CHN1: variants seen among roughly 807,000 people sequenced by gnomAD.
The protein encoded by CHN1 is N-chimaerin.
A neutral mutation model predicts 59.5 loss-of-function variants in CHN1; 37 were observed. That is an observed-to-expected ratio of 0.62 (90% CI 0.48 to 0.82). CHN1 has a LOEUF of 0.82. CHN1 is among the 40% of genes least tolerant of loss of function. The pLI is 0.00. For synonymous variants in CHN1, 206 were observed against 200.4 expected, an observed-to-expected ratio of 1.03 and a Z score of -0.24; for missense variants, 469 against 571.0, an observed-to-expected ratio of 0.82 and a Z score of 1.82.
At chr2:174,881,409 C>T (rs1310714331) in intron 5 of CHN1, among the ~76,000 whole-genome samples, 3 of 152,164 alleles carry the variant, frequency 2.0e-5, no homozygotes, top group Non-Finnish European at 2.9e-5. Context: ...GGATCTGCCA[C>T]TTCCTAGCTG....
intron 6 of CHN1, among the ~76,000 whole-genome samples, chr2:174,864,536 T>G (rs956544732): frequency 1.3e-5 from 2 of 152,192 alleles, no homozygotes; most frequent in African/African-American, 4.8e-5. Context: ...ATTTAAAAAT[T>G]TACCTGTATC....
At chr2:174,974,315 C>T (rs1364368301) in intron 1 of CHN1, among the ~76,000 whole-genome samples, 1 of 152,130 alleles carries the variant, frequency 6.6e-6, no homozygotes, top group Non-Finnish European at 1.5e-5. Context: ...TTGAAAATAT[C>T]GTCTGCATGC....
chr2:174,998,535 C>T (rs1001768620), intron 1 of CHN1, among the ~76,000 whole-genome samples: 5 of 151,998 alleles, frequency 3.3e-5, no homozygotes, highest in Non-Finnish European at 5.9e-5. Context: ...CCAAAGGAAT[C>T]GAAAGGTCAG....
chr2:174,837,968 C>G (rs934930004), intron 7 of CHN1, among the ~76,000 whole-genome samples: 2 of 152,128 alleles, frequency 1.3e-5, no homozygotes, highest in Non-Finnish European at 2.9e-5. Context: ...ACTAATGATA[C>G]TAAGTTTACT....
At chr2:174,814,341 C>T (rs1685172002) in intron 8 of CHN1, among the ~76,000 whole-genome samples, 1 of 152,232 alleles carries the variant, frequency 6.6e-6, no homozygotes, top group African/African-American at 2.4e-5. Context: ...TCATTAATGT[C>T]CAAATGACTT....
At chr2:174,844,260 T>C (rs1309699137) in intron 7 of CHN1, among the ~76,000 whole-genome samples, 1 of 151,350 alleles carries the variant, frequency 6.6e-6, no homozygotes, top group Non-Finnish European at 1.5e-5. Context: ...CCTGTTTTAT[T>C]CTACTAAAAA....
At chr2:174,842,088 A>C (rs775597504) in intron 7 of CHN1, among the ~76,000 whole-genome samples, 17 of 152,242 alleles carry the variant, frequency 1.1e-4, no homozygotes, top group Non-Finnish European at 1.9e-4. Context: ...TCCTGCTGTC[A>C]TGAGAAGAGG....
intron 1 of CHN1, among the ~76,000 whole-genome samples, chr2:174,953,788 A>G (rs142258497): frequency 1.7e-3 from 263 of 152,336 alleles, no homozygotes; most frequent in African/African-American, 6.2e-3. Flanking sequence ...GAAAGAAATC[A>G]TAGATGAAAC....
intron 7 of CHN1, among the ~76,000 whole-genome samples, chr2:174,840,954 C>T (rs1686279067): frequency 1.3e-5 from 2 of 151,952 alleles, no homozygotes; most frequent in South Asian, 2.1e-4. Context: ...TTTGTGTCAG[C>T]GAGGCAGTAT....
chr2:174,857,253 C>T lies in CHN1; in HGVS notation c.550-10296G>A, dbSNP rs182473162. The stretch of plus-strand genomic sequence containing the variant: ...CTTGCTGATGGACTAGAATACTCAG[C>T]GTCCATTTCGTGGGTCTCCCCTCAC... On this transcript the variant is annotated intron_variant, in intron 6 of 12. Coordinates refer to ENST00000409900, the MANE Select transcript of CHN1 (RefSeq NM_001822.7). Among the ~76,000 whole-genome samples, 430 of 152,210 alleles carry T rather than the reference C, an allele frequency of 2.8e-3. 2 individuals are homozygous for T. The highest frequency in any genetic ancestry group is 5.4e-3 in the Non-Finnish European group (365 of 68,008).
chr2:174,927,859 T>C (rs186768124), intron 3 of CHN1, among the ~76,000 whole-genome samples: 96 of 152,330 alleles, frequency 6.3e-4, no homozygotes, highest in African/African-American at 2.3e-3. Context: ...TGATGCTTCT[T>C]AAAAGCTAGC....
At chr2:174,868,103 AT>A (rs932064947) in intron 6 of CHN1, among the ~76,000 whole-genome samples, 2 of 152,094 alleles carry the variant, frequency 1.3e-5, no homozygotes, top group African/African-American at 4.8e-5. Context: ...TATCTTTCTA[AT>A]TTTTTATGAA....
At chr2:175,001,994 G>C (rs943283105) in intron 1 of CHN1, among the ~76,000 whole-genome samples, 1 of 152,178 alleles carries the variant, frequency 6.6e-6, no homozygotes, top group Non-Finnish European at 1.5e-5. Context: ...ATAGTTAAGT[G>C]CCACTCACTA....
intron 5 of CHN1, among the ~76,000 whole-genome samples, chr2:174,906,997 G>C (rs1284869742): frequency 6.6e-6 from 1 of 152,146 alleles, no homozygotes; most frequent in Non-Finnish European, 1.5e-5. Flanking sequence ...CCTCCTGGTA[G>C]TCCCAGCATT....
chr2:174,975,143 G>T (rs985148408), intron 1 of CHN1, among the ~76,000 whole-genome samples: 5 of 152,042 alleles, frequency 3.3e-5, no homozygotes, highest in Non-Finnish European at 1.5e-5. Flanking sequence ...GTAGCAAAAA[G>T]CTGACACAAT....
At chr2:174,973,042 C>T (rs1690808549) in intron 1 of CHN1, among the ~76,000 whole-genome samples, 1 of 152,102 alleles carries the variant, frequency 6.6e-6, no homozygotes, top group South Asian at 2.1e-4. Context: ...CCCAGGATCA[C>T]CCTAACACTA....
chr2:174,820,779 C>T (rs1685461390), intron 8 of CHN1, among the ~76,000 whole-genome samples: 1 of 152,200 alleles, frequency 6.6e-6, no homozygotes, highest in African/African-American at 2.4e-5. Context: ...AGTCCGACTC[C>T]TACAGCAACT....
intron 1 of CHN1, among the ~76,000 whole-genome samples, chr2:174,961,169 AGG>A (rs1690390452): frequency 1.8e-5 from 1 of 56,854 alleles, no homozygotes; most frequent in African/African-American, 4.6e-5. Flanking sequence ...CAGGGAGGGA[AGG>A]AATGGAAGGA....
intron 4 of CHN1, among the ~76,000 whole-genome samples, chr2:174,916,299 T>C (rs942835245): frequency 1.3e-5 from 2 of 152,174 alleles, no homozygotes; most frequent in African/African-American, 2.4e-5. Flanking sequence ...TGGAGTGGGA[T>C]TCACTTTATT....
Sources: gnomAD v4.1 joint callset for allele counts (sites outside exome capture counted in the v4.1 genomes callset) on GRCh38, gnomAD v4.1.1 for gene constraint, MANE v1.5 for transcripts, NCBI Gene and HGNC (gene_info 2026-07-23, HGNC 2026-07-21) for gene names.